EXOC6B: variants seen among roughly 807,000 people sequenced by gnomAD.
EXOC6B encodes SEC15 homolog B.
EXOC6B carries 54 observed loss-of-function variants against 113.5 expected under a neutral mutation model. The ratio of observed to expected loss-of-function variants is 0.48; its 90% confidence interval spans 0.38 to 0.60. The LOEUF is 0.60. EXOC6B is among the 20% of genes least tolerant of loss of function. EXOC6B has a pLI of 0.00. For missense variants in EXOC6B, 797 were observed against 977.5 expected (o/e 0.82, Z 2.46); for synonymous variants, 357 against 339.0 (o/e 1.05, Z -0.58).
intron 1 of EXOC6B, among the ~76,000 whole-genome samples, chr2:72,793,749 G>A (rs1684805061): frequency 6.6e-6 from 1 of 152,072 alleles, no homozygotes; most frequent in Admixed American, 6.6e-5. Flanking sequence ...CGATTAAAGG[G>A]GAATAACTCA....
intron 7 of EXOC6B, among the ~76,000 whole-genome samples, chr2:72,575,230 C>T (rs112950306): frequency 0.024 from 3,606 of 152,032 alleles, 171 homozygotes; most frequent in African/African-American, 0.083. Flanking sequence ...TAGTTCCCAG[C>T]CAGTACAGAA....
intron 6 of EXOC6B, among the ~76,000 whole-genome samples, chr2:72,639,367 C>A (rs140323745): frequency 6.6e-6 from 1 of 152,286 alleles, no homozygotes; most frequent in South Asian, 2.1e-4. Flanking sequence ...CCTGCCAGCA[C>A]CCTGCCCCTG....
chr2:72,466,264 GAACCC>G (rs1269219550), intron 17 of EXOC6B, among the ~76,000 whole-genome samples: 1 of 150,622 alleles, frequency 6.6e-6, no homozygotes, highest in African/African-American at 2.4e-5. Flanking sequence ...AGAGTTGCTT[GAACCC>G]AGGAGGCGGA....
intron 2 of EXOC6B, among the ~76,000 whole-genome samples, chr2:72,740,467 C>A (rs1231797272): frequency 6.6e-6 from 1 of 152,092 alleles, no homozygotes; most frequent in Non-Finnish European, 1.5e-5. Context: ...GATCAATAAG[C>A]AAAATGAGTT....
intron 16 of EXOC6B, among the ~76,000 whole-genome samples, chr2:72,491,920 G>A (rs531093651): frequency 8.0e-4 from 121 of 152,122 alleles, no homozygotes; most frequent in Middle Eastern, 3.4e-3. Flanking sequence ...ATTATCCTAG[G>A]TATCAATAAC....
chr2:72,449,557 G>A (rs1696794448), intron 18 of EXOC6B, among the ~76,000 whole-genome samples: 1 of 150,856 alleles, frequency 6.6e-6, no homozygotes, highest in East Asian at 2.0e-4. Context: ...CCCTTCCAGT[G>A]AAATTATATA....
chr2:72,334,074 C>CA lies in EXOC6B; in HGVS notation c.2196+872dup, dbSNP rs372903048. On this transcript the variant is annotated intron_variant, in intron 20 of 21. Coordinates refer to ENST00000272427, the MANE Select transcript of EXOC6B (RefSeq NM_015189.3). Reference sequence around the variant, plus strand: ...AAGCCAGCCCCCTTTTTTAAACAGACAAAAAAAAAAAAGATTGTTTTAATA... The same window carrying CA: ...AAGCCAGCCCCCTTTTTTAAACAGACAAAAAAAAAAAAAGATTGTTTTAATA... Among the ~76,000 whole-genome samples the CA allele has an allele frequency of 1.8e-3, 235 of 133,744 alleles. 2 individuals carry two copies. Among genetic ancestry groups the CA allele is most frequent in the Middle Eastern group, 3.9e-3 (1 of 256 alleles). The allele number at this position is 133,744 out of a possible 152,430, so 87.7% of individuals were successfully genotyped here.
rs1160533947 is a variant in EXOC6B at position 72,199,764 on chromosome 2, C to A, written c.2197-15577G>T. On this transcript the variant is annotated intron_variant, in intron 20 of 21. Coordinates refer to ENST00000272427, the MANE Select transcript of EXOC6B (RefSeq NM_015189.3). ...TTGCCCGAATTCTGCCTGGCATTTTCAAAACATCCTGAAACCCTAGACCTT... is the reference window on the plus strand; with the variant it reads ...TTGCCCGAATTCTGCCTGGCATTTTAAAAACATCCTGAAACCCTAGACCTT... Among the ~76,000 whole-genome samples, 3 of 152,192 alleles carry A rather than the reference C, an allele frequency of 2.0e-5. No homozygotes were observed. In the East Asian group the frequency reaches 5.8e-4, roughly 29 times the overall value.
At chr2:72,423,150 G>A (rs1164800693) in intron 18 of EXOC6B, among the ~76,000 whole-genome samples, 1 of 152,038 alleles carries the variant, frequency 6.6e-6, no homozygotes, top group Non-Finnish European at 1.5e-5. Flanking sequence ...CCCACCGGGA[G>A]GAACGAACAA....
chr2:72,695,948 A>G (rs182488284), intron 6 of EXOC6B, among the ~76,000 whole-genome samples: 9 of 152,164 alleles, frequency 5.9e-5, no homozygotes, highest in East Asian at 1.9e-4. Flanking sequence ...ACTATTCCAC[A>G]TCAGTTAGAC....
At chr2:72,335,244 G>A (rs1176252243) in intron 19 of EXOC6B, 9 of 507,914 alleles carry the variant, frequency 1.8e-5, no homozygotes, top group African/African-American at 1.2e-4. Flanking sequence ...GTACTAATTC[G>A]ACCTGAAATT....
intron 18 of EXOC6B, among the ~76,000 whole-genome samples, chr2:72,389,169 G>C (rs1399587475): frequency 1.3e-5 from 2 of 151,788 alleles, no homozygotes; most frequent in Non-Finnish European, 2.9e-5. Context: ...TATTACTTAA[G>C]TGTTCTTTAT....
chr2:72,550,786 G>T (rs770593532), intron 8 of EXOC6B, among the ~76,000 whole-genome samples: 12 of 151,872 alleles, frequency 7.9e-5, no homozygotes, highest in African/African-American at 2.7e-4. Flanking sequence ...GTATATTGAC[G>T]ACAGAGACCA....
At chr2:72,350,114 C>T (rs1689566989) in intron 19 of EXOC6B, among the ~76,000 whole-genome samples, 1 of 152,090 alleles carries the variant, frequency 6.6e-6, no homozygotes. Context: ...AACTATTGGC[C>T]TTGGATGCAA....
intron 6 of EXOC6B, among the ~76,000 whole-genome samples, chr2:72,628,526 T>C (rs1258648673): frequency 6.6e-6 from 1 of 152,142 alleles, no homozygotes; most frequent in African/African-American, 2.4e-5. Flanking sequence ...AAAATTCATA[T>C]GTTGAAATCC....
rs1360528140 is a variant in EXOC6B at position 72,311,006 on chromosome 2, C to G, written c.2196+23941G>C. On this transcript the variant is annotated intron_variant, in intron 20 of 21. Coordinates refer to ENST00000272427, the MANE Select transcript of EXOC6B (RefSeq NM_015189.3). ...ACAGAAGCAAGATTCAAACTCAGCT[C>G]TGTCTAAATGCACAGACCACACTCT... Among the ~76,000 whole-genome samples the G allele has an allele frequency of 2.0e-5, 3 of 152,138 alleles. No homozygotes were observed. In the East Asian group the frequency reaches 5.8e-4, roughly 29 times the overall value.
intron 6 of EXOC6B, among the ~76,000 whole-genome samples, chr2:72,636,064 C>A (rs1026213841): frequency 1.3e-5 from 2 of 151,890 alleles, no homozygotes; most frequent in Admixed American, 1.3e-4. Flanking sequence ...CAAAAAATTT[C>A]TTTAAAAAAT....
chr2:72,211,639 C>T (rs1178352537), intron 20 of EXOC6B, among the ~76,000 whole-genome samples: 1 of 152,142 alleles, frequency 6.6e-6, no homozygotes, highest in Non-Finnish European at 1.5e-5. Context: ...AATGAGGTTG[C>T]TAGAAGGTGA....
intron 20 of EXOC6B, among the ~76,000 whole-genome samples, chr2:72,232,696 T>G (rs13416674): frequency 0.18 from 26,933 of 152,230 alleles, 2,576 homozygotes; most frequent in Non-Finnish European, 0.21. Context: ...CAAATCTATG[T>G]AAATAATATC....
Sources: allele counts gnomAD v4.1 joint callset (sites outside exome capture counted in the v4.1 genomes callset), GRCh38; gene constraint gnomAD v4.1.1; transcripts MANE v1.5; gene names NCBI Gene and HGNC (gene_info 2026-07-23, HGNC 2026-07-21).